Variants in AKT2 observed in about 807,000 individuals in gnomAD.
AKT2 encodes the protein RAC-beta serine/threonine-protein kinase.
A neutral mutation model predicts 58.6 loss-of-function variants in AKT2; 16 were observed. The observed-to-expected ratio is 0.27, with a 90% confidence interval of 0.18 to 0.41. The LOEUF (loss-of-function observed/expected upper bound fraction) is 0.41. Ranked by LOEUF, AKT2 falls within the 10% of genes least tolerant of loss-of-function variation. The pLI, the probability that AKT2 is intolerant of heterozygous loss-of-function variation, is 1.00. For synonymous variants in AKT2, 253 were observed against 254.0 expected (o/e 1.00, Z 0.04); for missense variants, 438 against 661.0 (o/e 0.66, Z 3.70).
At chr19:40,239,875 A>C in intron 7 of AKT2, 170 bp downstream of exon 7, 2 of 803,470 alleles carry the variant, frequency 2.5e-6, no homozygotes, top group Non-Finnish European at 4.3e-6. Flanking sequence ...GAGCCTGCTC[A>C]CCCCCACCAC....
At chr19:40,248,430 C>G (rs895514010) in intron 4 of AKT2, among the ~76,000 whole-genome samples, 1 of 152,208 alleles carries the variant, frequency 6.6e-6, no homozygotes, top group African/African-American at 2.4e-5. Context: ...TGTAGAAGCT[C>G]CAAGGCGGGG....
In AKT2 at chr19:40,237,960, G is replaced by T; in HGVS notation, c.831+9C>A. The T allele has an allele frequency of 6.2e-7, 1 of 1,613,342 alleles. No homozygotes were observed. The highest frequency in any genetic ancestry group is 8.5e-7 in the Non-Finnish European group (1 of 1,179,810). Reference sequence around the variant, plus strand: ...CACAGGTCAGCCTGGCGCACACCCTGCCACTAACCTTGATGTCGCGGTATA... The same window carrying T: ...CACAGGTCAGCCTGGCGCACACCCTTCCACTAACCTTGATGTCGCGGTATA... On this transcript the variant is annotated intron_variant, in intron 9 of 13. Coordinates refer to ENST00000392038, the MANE Select transcript of AKT2 (RefSeq NM_001626.6). This position sits in a 1 kb window ranked among gnomAD's most constrained non-coding sequence, Gnocchi z 4.5.
chr19:40,239,575 A>G, intron 7 of AKT2: 3 of 342,762 alleles, frequency 8.8e-6, no homozygotes, highest in South Asian at 7.0e-5. Flanking sequence ...TACATAAGCC[A>G]TCCTCAATCT....
intron 4 of AKT2, among the ~76,000 whole-genome samples, chr19:40,249,806 A>G (rs1041247616): frequency 6.6e-6 from 1 of 152,266 alleles, no homozygotes; most frequent in Non-Finnish European, 1.5e-5. Context: ...TGCCAGATAC[A>G]TACATAAATA....
At chr19:40,254,931 G>A (rs764375732) in intron 4 of AKT2, among the ~76,000 whole-genome samples, 15 of 152,196 alleles carry the variant, frequency 9.9e-5, no homozygotes, top group Admixed American at 5.2e-4. Flanking sequence ...GACATTTCAC[G>A]AGCTCTGCCT....
intron 1 of AKT2, among the ~76,000 whole-genome samples, chr19:40,276,508 G>T (rs1447474582): frequency 6.6e-6 from 1 of 151,264 alleles, no homozygotes; most frequent in Non-Finnish European, 1.5e-5. Flanking sequence ...TAGGATTATA[G>T]GCACCCACCA....
At position 40,235,130 on chromosome 19, in the gene AKT2, T is replaced by C. The variant is rs760343615; in HGVS notation, c.1281A>G (p.Lys427=). ...TGTCGACCTCGGACGTGACCTGAGG[T>C]TTGAAGGGTGGCAGGAGCTACGGAG... ...VVQKKLLPPF[K]PQVTSEVDTR... Residue 427 remains lysine, a synonymous_variant, in exon 13 of 14, where the codon AAA becomes AAG. Coordinates refer to ENST00000392038, the MANE Select transcript of AKT2 (RefSeq NM_001626.6). The surrounding 1 kb of genome is among the most constrained non-coding windows in gnomAD (Gnocchi z 6.3). 9.9e-6 allele frequency: 16 copies of C among 1,613,610 alleles called. No individual in the cohort carries two copies. In the African/African-American group the frequency reaches 1.1e-4, roughly 11 times the overall value.
At chr19:40,239,914 C>T (rs748940547) in intron 7 of AKT2, 131 bp downstream of exon 7, 5 of 1,132,424 alleles carry the variant, frequency 4.4e-6, no homozygotes, top group Admixed American at 1.7e-5. Flanking sequence ...CTTGGCAGGG[C>T]GCAGCAACAC....
At chr19:40,241,502 A>T in intron 6 of AKT2, 1 of 271,654 alleles carries the variant, frequency 3.7e-6, no homozygotes, top group Non-Finnish European at 7.2e-6. Context: ...GGTCCGTAAT[A>T]TTTATTTTCT....
chr19:40,252,276 T>G (rs375540115), intron 4 of AKT2, among the ~76,000 whole-genome samples: 3 of 152,114 alleles, frequency 2.0e-5, no homozygotes, highest in African/African-American at 7.2e-5. Flanking sequence ...CACCCACCCA[T>G]AGTTAAGGTC....
chr19:40,262,413 T>A (rs1456562656), intron 2 of AKT2, among the ~76,000 whole-genome samples: 1 of 152,154 alleles, frequency 6.6e-6, no homozygotes, highest in Admixed American at 6.5e-5. Flanking sequence ...ACATCTTGAC[T>A]ACTATACCGT....
chr19:40,238,256 G>C lies in AKT2; in HGVS notation c.709-165C>G, dbSNP rs573639136. ...CAAGGCAGAGCGCAGAAGCTCATAA[G>C]TGACACAGAGCTGGGGGGAAGGGCG... On this transcript the variant is annotated intron_variant, in intron 8 of 13. Transcript: ENST00000392038. This position sits in a 1 kb window ranked among gnomAD's most constrained non-coding sequence, Gnocchi z 5.1. 6.6e-6 allele frequency among the ~76,000 whole-genome samples: 1 copy of C among 152,068 alleles called. No homozygotes were observed. Among genetic ancestry groups the C allele is most frequent in the South Asian group, 2.1e-4 (1 of 4,822 alleles).
chr19:40,246,382 C>G (rs969828598), intron 4 of AKT2, among the ~76,000 whole-genome samples: 2 of 152,122 alleles, frequency 1.3e-5, no homozygotes, highest in Non-Finnish European at 2.9e-5. Context: ...CCTCGGTCTC[C>G]CCAAGTGCTG....
Position 40,238,848 on chromosome 19 carries a change from C to G in AKT2, c.708+57G>C, listed in dbSNP as rs890733257. On this transcript the variant is annotated intron_variant, in intron 8 of 13. Transcript: ENST00000392038. This position sits in a 1 kb window ranked among gnomAD's most constrained non-coding sequence, Gnocchi z 5.1. Reference sequence around the variant, plus strand: ...TCTCACCCACAGCTCCTCTCCATCCCGCCCCACCCTAAAGAAGGAGGCCCC... The same window carrying G: ...TCTCACCCACAGCTCCTCTCCATCCGGCCCCACCCTAAAGAAGGAGGCCCC... 4.5e-6 allele frequency: 7 copies of G among 1,566,674 alleles called. No individual in the cohort carries two copies. The highest frequency in any genetic ancestry group is 6.2e-6 in the Non-Finnish European group (7 of 1,137,184).
At position 40,237,972 on chromosome 19, in the gene AKT2, G is replaced by C; in HGVS notation, c.828C>G (p.Ile276Met). ...LHSRDVVYRD[I>M]KLENLMLDKD... Reference sequence around the variant, plus strand: ...TGGCGCACACCCTGCCACTAACCTTGATGTCGCGGTATACCACGTCCCGCG... The same window carrying C: ...TGGCGCACACCCTGCCACTAACCTTCATGTCGCGGTATACCACGTCCCGCG... The change falls in exon 9 of 14, where the codon ATC (isoleucine) becomes ATG (methionine). Residue 276 changes from isoleucine to methionine, a missense_variant. Ile to Met is a conservative substitution (Grantham distance 10). This residue lies in a region of AKT2 where 46 missense variants were observed against 114.5 expected (regional missense o/e 0.40). Transcript: ENST00000392038. The surrounding 1 kb of genome is among the most constrained non-coding windows in gnomAD (Gnocchi z 4.5). The C allele has an allele frequency of 6.2e-7, 1 of 1,613,682 alleles. No homozygotes were observed. The highest frequency in any genetic ancestry group is 8.5e-7 in the Non-Finnish European group (1 of 1,179,920).
Position 40,265,322 on chromosome 19 carries a change from A to G in AKT2, c.-55T>C. 1 of 1,599,242 alleles carries G rather than the reference A, an allele frequency of 6.3e-7. No homozygotes were observed. Among genetic ancestry groups the G allele is most frequent in the East Asian group, 2.2e-5 (1 of 44,676 alleles). On this transcript the variant is annotated 5_prime_UTR_variant, in exon 2 of 14. An upstream start codon of the reference 5' UTR is lost. Coordinates refer to ENST00000392038, the MANE Select transcript of AKT2 (RefSeq NM_001626.6). ...TCGGGACAGCTCAGGGCAGCAGGAC[A>G]TGCAGGAGGCACCGTGGACAGGGCA...
At chr19:40,267,615 G>A (rs145373092) in intron 1 of AKT2, among the ~76,000 whole-genome samples, 5 of 152,142 alleles carry the variant, frequency 3.3e-5, no homozygotes, top group African/African-American at 7.2e-5. Context: ...CCAGCAAAGC[G>A]TCTTATCTAA....
chr19:40,232,097 C>T lies in AKT2; in HGVS notation c.*1775G>A, dbSNP rs1973730414. 4.3e-6 allele frequency: 1 copy of T among 233,734 alleles called. No homozygotes were observed. Among genetic ancestry groups the T allele is most frequent in the Non-Finnish European group, 8.4e-6 (1 of 118,382 alleles). 14.5% of individuals were successfully genotyped at this position (233,734 alleles called of 1,614,324 possible). A position where few individuals can be genotyped will look rare whatever the true frequency, so the allele number is the denominator to read the frequency against. ...GAGGGCCTGGAGTGGTCTCTGTCCA[C>T]CCCACCCCCACATGCGGGGAGCCTT... On this transcript the variant is annotated 3_prime_UTR_variant, in exon 14 of 14. Transcript: ENST00000392038.
chr19:40,276,867 A>G lies in AKT2; in HGVS notation c.-85+8314T>C, dbSNP rs565805560. ...TCCCATCTCTACTGAAAATTGTTTT[A>G]AAAAAATTAGCCAGGTATGATGGTG... On this transcript the variant is annotated intron_variant, in intron 1 of 13. Transcript: ENST00000392038. Among the ~76,000 whole-genome samples, 4 of 152,156 alleles carry G rather than the reference A, an allele frequency of 2.6e-5. No individual in the cohort carries two copies. In the South Asian group the frequency reaches 8.3e-4, roughly 32 times the overall value.
Sources: gnomAD v4.1 joint callset for allele counts (sites outside exome capture counted in the v4.1 genomes callset) on GRCh38, gnomAD v4.1.1 for gene constraint, gnomAD v4.1.1 regional missense constraint, Gnocchi (gnomAD v3.1) non-coding constraint, MANE v1.5 for transcripts, NCBI Gene and HGNC (gene_info 2026-07-23, HGNC 2026-07-21) for gene names.